FOXRED2: variants seen among roughly 807,000 people sequenced by gnomAD.
FOXRED2 encodes the protein FAD-dependent oxidoreductase domain-containing protein 2.
FOXRED2 carries 32 observed loss-of-function variants against 52.5 expected under a neutral mutation model. The observed-to-expected ratio is 0.61, with a 90% confidence interval of 0.46 to 0.82. The LOEUF is 0.82. Among genes scored for constraint, FOXRED2 ranks in the 40% least tolerant of loss-of-function variants. The pLI is 0.00. For missense variants in FOXRED2, 848 were observed against 937.5 expected (o/e 0.90, Z 1.25); for synonymous variants, 405 against 398.1 (o/e 1.02, Z -0.21).
intron 1 of FOXRED2, 40 bp from the exon 2 acceptor site, chr22:36,506,463 G>A (rs776094569): frequency 1.2e-5 from 17 of 1,414,530 alleles, no homozygotes; most frequent in African/African-American, 1.5e-5. Flanking sequence ...CACCCGGCCC[G>A]GCGGCTGGGA....
intron 4 of FOXRED2, among the ~76,000 whole-genome samples, chr22:36,503,005 T>TC (rs1275497357): frequency 6.6e-6 from 1 of 150,960 alleles, no homozygotes; most frequent in African/African-American, 2.4e-5. Flanking sequence ...CTTTTTTTTT[T>TC]TGAGACAGGG....
chr22:36,504,250 G>A lies in FOXRED2; in HGVS notation c.897C>T (p.Thr299=), dbSNP rs765203966. ...LKDSKGKFHV[T]PKFFLEEANT... Reference sequence around the variant, plus strand: ...TGGCTTCTTCCAGGAAGAATTTCGGGGTGACATGGAACTTGCCTTTGCTGT... The same window carrying A: ...TGGCTTCTTCCAGGAAGAATTTCGGAGTGACATGGAACTTGCCTTTGCTGT... The change falls in exon 4 of 9, where the codon ACC becomes ACT. Residue 299 remains threonine, a synonymous_variant. Transcript: ENST00000397224. The A allele has an allele frequency of 1.1e-5, 17 of 1,614,088 alleles. No homozygotes were observed. The highest frequency in any genetic ancestry group is 1.7e-5 in the Admixed American group (1 of 59,994).
chr22:36,504,009 G>T (rs924367559), intron 4 of FOXRED2, 89 bp downstream of exon 4: 4 of 1,387,702 alleles, frequency 2.9e-6, no homozygotes, highest in Non-Finnish European at 4.0e-6. Flanking sequence ...GAGCTCTGTC[G>T]CCAGCCTACT....
chr22:36,504,026 C>G, intron 4 of FOXRED2, 72 bp downstream of exon 4: 1 of 1,515,190 alleles, frequency 6.6e-7, no homozygotes, highest in Non-Finnish European at 9.0e-7. Context: ...TACTGAACAG[C>G]CACCCTGTTC....
chr22:36,496,703 C>G (rs1170709609), intron 6 of FOXRED2, among the ~76,000 whole-genome samples: 2 of 152,244 alleles, frequency 1.3e-5, no homozygotes, highest in East Asian at 3.8e-4. Context: ...CTAAGGACCA[C>G]TCTGGTTACT....
intron 6 of FOXRED2, 112 bp from the exon 7 acceptor site, chr22:36,496,320 C>T (rs2145846057): frequency 7.5e-7 from 1 of 1,326,294 alleles, no homozygotes; most frequent in Non-Finnish European, 1.0e-6. Context: ...TAAGGAGCGT[C>T]AATCAAGCAG....
Position 36,488,846 on chromosome 22 carries a change from G to C in FOXRED2, c.*1162C>G, listed in dbSNP as rs1284880885. On this transcript the variant is annotated 3_prime_UTR_variant, in exon 9 of 9. Transcript: ENST00000397224. ...TCCACCTGCCTGGGCCTCCCAGAGT[G>C]CTGGGATTGTCCTTGGAATTCTGAG... The C allele has an allele frequency of 1.3e-5, 2 of 152,268 alleles. No homozygotes were observed. Among genetic ancestry groups the C allele is most frequent in the African/African-American group, 4.8e-5 (2 of 41,450 alleles). The allele number at this position is 152,268 out of a possible 1,614,324, so 9.4% of individuals were successfully genotyped here.
At chr22:36,501,531 G>T in intron 4 of FOXRED2, 124 bp from the exon 5 acceptor site, 3 of 889,804 alleles carry the variant, frequency 3.4e-6, no homozygotes, top group Non-Finnish European at 5.2e-6. Context: ...CGTGATCTCG[G>T]CTCACTGCAA....
intron 8 of FOXRED2, 31 bp downstream of exon 8, chr22:36,493,602 G>T: frequency 6.2e-7 from 1 of 1,602,176 alleles, no homozygotes; most frequent in South Asian, 1.1e-5. Context: ...CTGGAGCTCA[G>T]ACCCTTTGTC....
rs1933652388 is a variant in FOXRED2 at position 36,488,112 on chromosome 22, A to C, written c.*1896T>G. On this transcript the variant is annotated 3_prime_UTR_variant, in exon 9 of 9. Transcript: ENST00000397224. ...ATTGCAAAAAAAAAAAAAAAGAAAA[A>C]GAAAAAGTCTGGACCAAGCCAAGAG... 1 of 151,510 alleles carries C rather than the reference A, an allele frequency of 6.6e-6. No homozygotes were observed. The highest frequency in any genetic ancestry group is 6.6e-5 in the Admixed American group (1 of 15,190). The allele number at this position is 151,510 out of a possible 1,614,324, so 9.4% of individuals were successfully genotyped here.
Position 36,506,239 on chromosome 22 carries a change from C to T in FOXRED2, c.184G>A (p.Ala62Thr), listed in dbSNP as rs1333490905. Reference sequence around the variant, plus strand: ...GTGAAGAAGCTGCCGGGCCGCGGGGCCCGCTCGAACACTGCGTAGTCGCGT... The same window carrying T: ...GTGAAGAAGCTGCCGGGCCGCGGGGTCCGCTCGAACACTGCGTAGTCGCGT... ...AGRDYAVFER[A>T]PRPGSFFTRY... Residue 62 changes from alanine to threonine, a missense_variant, in exon 2 of 9, where the codon GCC becomes ACC. By Grantham distance (58) the Ala-to-Thr change is moderately conservative. Transcript: ENST00000397224. 3 of 1,613,408 alleles carry T rather than the reference C, an allele frequency of 1.9e-6. No individual in the cohort carries two copies. Among genetic ancestry groups the T allele is most frequent in the Non-Finnish European group, 1.7e-6 (2 of 1,179,798 alleles).
chr22:36,489,823 CA>C lies in FOXRED2; in HGVS notation c.*184del, dbSNP rs1333538829. The C allele has an allele frequency of 1.8e-6, 1 of 549,668 alleles. No individual in the cohort carries two copies. Among genetic ancestry groups the C allele is most frequent in the African/African-American group, 1.9e-5 (1 of 51,736 alleles). The allele number at this position is 549,668 out of a possible 1,614,324, so 34.0% of individuals were successfully genotyped here. A position where few individuals can be genotyped will look rare whatever the true frequency, so the allele number is the denominator to read the frequency against. On this transcript the variant is annotated 3_prime_UTR_variant, in exon 9 of 9. Coordinates refer to ENST00000397224, the MANE Select transcript of FOXRED2 (RefSeq NM_001102371.2). ...TGCCCCCTGACAGGAGGGAGGAGAC[CA>C]CCGCATCCCCGACTTTCAGCCCTCA...
At position 36,504,722 on chromosome 22, in the gene FOXRED2, T is replaced by A; in HGVS notation, c.572A>T (p.Asp191Val). The A allele has an allele frequency of 6.2e-7, 1 of 1,614,034 alleles. No homozygotes were observed. The highest frequency in any genetic ancestry group is 8.5e-7 in the Non-Finnish European group (1 of 1,180,012). The part of the protein sequence containing the change: ...ATGLSVPNQV[D>V]FPGSEYAEGY... Reference sequence around the variant, plus strand: ...CTCTGCATATTCGGAGCCAGGGAAGTCAACCTGGTTGGGGACTGATAAACC... The same window carrying A: ...CTCTGCATATTCGGAGCCAGGGAAGACAACCTGGTTGGGGACTGATAAACC... Residue 191 changes from aspartate (D) to valine (V), a missense_variant, in exon 3 of 9, where the codon GAC becomes GTC. Physicochemically the swap from Asp to Val is radical, Grantham distance 152. Transcript: ENST00000397224.
At position 36,501,282 on chromosome 22, in the gene FOXRED2, C is replaced by G; in HGVS notation, c.1175G>C (p.Arg392Pro). The G allele has an allele frequency of 6.2e-7, 1 of 1,614,084 alleles. No individual in the cohort carries two copies. ...LGTASHSVDY[R>P]KSAGGFIHGF... ...GTGGATGAAGCCCCCAGCAGATTTCCGGTAGTCCACCGAGTGGCTGGCAGT... is the reference window on the plus strand; with the variant it reads ...GTGGATGAAGCCCCCAGCAGATTTCGGGTAGTCCACCGAGTGGCTGGCAGT... The change falls in exon 5 of 9, where the codon CGG becomes CCG. Residue 392 changes from arginine to proline, a missense_variant. By Grantham distance (103) the Arg-to-Pro change is moderately radical. Transcript: ENST00000397224.
At chr22:36,502,251 G>A (rs1202319184) in intron 4 of FOXRED2, among the ~76,000 whole-genome samples, 1 of 152,184 alleles carries the variant, frequency 6.6e-6, no homozygotes, top group African/African-American at 2.4e-5. Flanking sequence ...TTGGGAGGCC[G>A]ATGGAAAGGA....
In FOXRED2 at chr22:36,488,255, T is replaced by C. The variant is rs1685739971; in HGVS notation, c.*1753A>G. 6.6e-6 allele frequency: 1 copy of C among 152,250 alleles called. No individual in the cohort carries two copies. Among genetic ancestry groups the C allele is most frequent in the Admixed American group, 6.5e-5 (1 of 15,286 alleles). The allele number at this position is 152,250 out of a possible 1,614,324, so 9.4% of individuals were successfully genotyped here. Reference sequence around the variant, plus strand: ...TTGTTCTTTTTTATTTTTTATTTTTTTGAGATGGGGTGTGGGGGCTTTACT... The same window carrying C: ...TTGTTCTTTTTTATTTTTTATTTTTCTGAGATGGGGTGTGGGGGCTTTACT... On this transcript the variant is annotated 3_prime_UTR_variant, in exon 9 of 9. Transcript: ENST00000397224.
At chr22:36,491,390 A>T (rs908503828) in intron 8 of FOXRED2, among the ~76,000 whole-genome samples, 4 of 151,760 alleles carry the variant, frequency 2.6e-5, no homozygotes, top group South Asian at 4.2e-4. Context: ...GCATCACAGG[A>T]GTGGTTTCTT....
Position 36,506,026 on chromosome 22 carries a change from C to T in FOXRED2, c.397G>A (p.Ala133Thr), listed in dbSNP as rs377137720. The part of the protein sequence containing the change: ...RDMVRYLGDF[A>T]DTLGLRVQYN... Reference sequence around the variant, plus strand: ...TGGACACGGAGCCCCAGCGTGTCCGCGAAGTCACCCAGGTAGCGCACCATG... The same window carrying T: ...TGGACACGGAGCCCCAGCGTGTCCGTGAAGTCACCCAGGTAGCGCACCATG... Residue 133 changes from alanine (A) to threonine (T), a missense_variant, in exon 2 of 9, where the codon GCG (alanine) becomes ACG (threonine). By Grantham distance (58) the Ala-to-Thr change is moderately conservative. Coordinates refer to ENST00000397224, the MANE Select transcript of FOXRED2 (RefSeq NM_001102371.2). The T allele has an allele frequency of 3.6e-5, 58 of 1,614,134 alleles. No homozygotes were observed. Among genetic ancestry groups the T allele is most frequent in the South Asian group, 5.5e-5 (5 of 91,094 alleles).
In FOXRED2 at chr22:36,489,681, A is replaced by C; in HGVS notation, c.*327T>G. ...AGGCCCATCTGAGGAGGGGCTTGGA[A>C]GGAAGAGGAGCACTTGAGACGGGGC... On this transcript the variant is annotated 3_prime_UTR_variant, in exon 9 of 9. Coordinates refer to ENST00000397224, the MANE Select transcript of FOXRED2 (RefSeq NM_001102371.2). 4.0e-6 allele frequency: 1 copy of C among 247,862 alleles called. No individual in the cohort carries two copies. Among genetic ancestry groups the C allele is most frequent in the Admixed American group, 5.3e-5 (1 of 18,860 alleles). The allele number at this position is 247,862 out of a possible 1,614,324, so 15.4% of individuals were successfully genotyped here. A position where few individuals can be genotyped will look rare whatever the true frequency, so the allele number is the denominator to read the frequency against.
Sources: allele counts gnomAD v4.1 joint callset (sites outside exome capture counted in the v4.1 genomes callset), GRCh38; gene constraint gnomAD v4.1.1; transcripts MANE v1.5; gene names NCBI Gene and HGNC (gene_info 2026-07-23, HGNC 2026-07-21).